Variants in PSTPIP2 observed in about 807,000 individuals in gnomAD.
The protein encoded by PSTPIP2 is proline-serine-threonine phosphatase-interacting protein 2.
PSTPIP2 carries 33 observed loss-of-function variants against 63.3 expected under a neutral mutation model. The ratio of observed to expected loss-of-function variants is 0.52; its 90% CI spans 0.40 to 0.70. The LOEUF (loss-of-function observed/expected upper bound fraction) is 0.70, where lower values mean the gene tolerates loss of function less well. PSTPIP2 is among the 30% of genes least tolerant of loss of function. The probability of loss-of-function intolerance (pLI) is 0.00; values close to 1 mark genes in which losing one functional copy is unlikely to be tolerated. For synonymous variants in PSTPIP2, 125 were observed against 132.7 expected, an observed-to-expected ratio of 0.94 and a Z score of 0.40; for missense variants, 312 against 400.7, an observed-to-expected ratio of 0.78 and a Z score of 1.89.
intron 1 of PSTPIP2, among the ~76,000 whole-genome samples, chr18:46,040,697 C>T (rs1908160809): frequency 6.6e-6 from 1 of 152,202 alleles, no homozygotes; most frequent in African/African-American, 2.4e-5. Context: ...TAGGGTAACA[C>T]TTTACCTCCA....
At position 45,994,069 on chromosome 18, in the gene PSTPIP2, G is replaced by A. The variant is rs1462137236; in HGVS notation, c.643-366C>T. The A allele has an allele frequency of 1.3e-5, 4 of 305,414 alleles. No homozygotes were observed. The Admixed American group carries it at 1.4e-4, about 11-fold the overall frequency. The allele number at this position is 305,414 out of a possible 1,614,324, so 18.9% of individuals were successfully genotyped here. A position where few individuals can be genotyped will look rare whatever the true frequency, so the allele number is the denominator to read the frequency against. ...AATGCTGCCCCTCCCACCCTGGAAT[G>A]AATGAGTTTGACTGGCAAGATGGTC... On this transcript the variant is annotated intron_variant, in intron 9 of 14. Transcript: ENST00000409746.
intron 10 of PSTPIP2, among the ~76,000 whole-genome samples, chr18:45,992,544 C>T (rs184716577): frequency 6.9e-6 from 1 of 145,976 alleles, no homozygotes; most frequent in African/African-American, 2.6e-5. Flanking sequence ...CCCCAGGCGA[C>T]AGTGCGAGAC....
chr18:46,031,868 T>C (rs186221700), intron 2 of PSTPIP2, among the ~76,000 whole-genome samples: 1 of 152,116 alleles, frequency 6.6e-6, no homozygotes, highest in African/African-American at 2.4e-5. Flanking sequence ...CGGGAAGTAA[T>C]GAGTTCCAGC....
chr18:46,029,085 G>A (rs559439356), intron 2 of PSTPIP2: 6 of 808,456 alleles, frequency 7.4e-6, no homozygotes, highest in Admixed American at 3.6e-5. Flanking sequence ...CACCTGTTTG[G>A]AAAGGTTTCC....
chr18:46,010,490 C>T (rs961835607), intron 5 of PSTPIP2, among the ~76,000 whole-genome samples: 3 of 152,190 alleles, frequency 2.0e-5, no homozygotes, highest in Non-Finnish European at 2.9e-5. Context: ...CAGGATCAGC[C>T]TGAATATCCA....
At chr18:45,996,176 T>C (rs1459069253) in intron 9 of PSTPIP2, among the ~76,000 whole-genome samples, 1 of 152,124 alleles carries the variant, frequency 6.6e-6, no homozygotes, top group Non-Finnish European at 1.5e-5. Flanking sequence ...ATAACAGAAG[T>C]TGACAAGTTC....
chr18:46,037,393 T>C (rs889982008), intron 2 of PSTPIP2, among the ~76,000 whole-genome samples: 1 of 152,144 alleles, frequency 6.6e-6, no homozygotes, highest in Non-Finnish European at 1.5e-5. Context: ...GTGATCTGCC[T>C]GCCTCGGCCT....
At chr18:45,988,611 G>T in intron 14 of PSTPIP2, 91 bp downstream of exon 14, 1 of 1,125,264 alleles carries the variant, frequency 8.9e-7, no homozygotes, top group Non-Finnish European at 1.3e-6. Context: ...TTGCTAGTTT[G>T]TGGTAGTGTT....
At position 45,992,141 on chromosome 18, in the gene PSTPIP2, A is replaced by G. The variant is rs772732819; in HGVS notation, c.803T>C (p.Phe268Ser). 13 of 1,608,858 alleles carry G rather than the reference A, an allele frequency of 8.1e-6. No homozygotes were observed. Among genetic ancestry groups the G allele is most frequent in the Admixed American group, 1.7e-5 (1 of 59,068 alleles). ...CTGTCCAGTTTTGCGTTGATTCACA[A>G]AGTATTCAATGTCCCTCTGAATGCT... ...MCSIQRDIEY[F>S]VNQRKTGQIP... Residue 268 changes from phenylalanine to serine, a missense_variant, in exon 11 of 15, where the codon TTT (phenylalanine) becomes TCT (serine). Phe to Ser is a radical substitution (Grantham distance 155). Coordinates refer to ENST00000409746, the MANE Select transcript of PSTPIP2 (RefSeq NM_024430.4).
chr18:45,999,825 G>A (rs188226228), intron 6 of PSTPIP2, among the ~76,000 whole-genome samples: 53 of 152,268 alleles, frequency 3.5e-4, no homozygotes, highest in African/African-American at 1.2e-3. Flanking sequence ...GGACTGAAAC[G>A]AAAGATGGAA....
chr18:46,031,697 C>T (rs905903320), intron 2 of PSTPIP2, among the ~76,000 whole-genome samples: 26 of 152,090 alleles, frequency 1.7e-4, no homozygotes, highest in Admixed American at 3.3e-4. Context: ...TCCTTTTAGC[C>T]GCAGAATTAT....
intron 1 of PSTPIP2, among the ~76,000 whole-genome samples, chr18:46,064,479 AAG>A (rs1909110735): frequency 7.6e-6 from 1 of 132,142 alleles, no homozygotes; most frequent in East Asian, 2.3e-4. Flanking sequence ...TTTTTTTTTT[AAG>A]TAAAGACGGG....
chr18:46,064,544 C>T (rs1370502656), intron 1 of PSTPIP2, among the ~76,000 whole-genome samples: 1 of 150,430 alleles, frequency 6.6e-6, no homozygotes, highest in Non-Finnish European at 1.5e-5. Context: ...AGGTGATTCA[C>T]CCGCCTGGGC....
Position 46,027,016 on chromosome 18 carries a change from C to T in PSTPIP2, c.135-2330G>A, listed in dbSNP as rs115956139. On this transcript the variant is annotated intron_variant, in intron 2 of 14. Coordinates refer to ENST00000409746, the MANE Select transcript of PSTPIP2 (RefSeq NM_024430.4). ...TTTTTAAAGAATAAGACCATATGGCCGGGTGCAATGGCTCACACCTGTAAT... is the reference window on the plus strand; with the variant it reads ...TTTTTAAAGAATAAGACCATATGGCTGGGTGCAATGGCTCACACCTGTAAT... Among the ~76,000 whole-genome samples the T allele has an allele frequency of 7.7e-3, 1,173 of 151,658 alleles. 16 individuals carry two copies. Among genetic ancestry groups the T allele is most frequent in the African/African-American group, 0.027 (1,120 of 41,346 alleles).
intron 1 of PSTPIP2, among the ~76,000 whole-genome samples, chr18:46,056,594 G>A (rs925270427): frequency 4.6e-5 from 7 of 152,114 alleles, no homozygotes; most frequent in African/African-American, 1.2e-4. Flanking sequence ...GAGCATGGTG[G>A]TGCACACCTG....
At chr18:46,028,411 G>A (rs1205923617) in intron 2 of PSTPIP2, 1 of 534,078 alleles carries the variant, frequency 1.9e-6, no homozygotes, top group East Asian at 5.1e-5. Flanking sequence ...GAGGGAAGAG[G>A]AGAGACGGCT....
chr18:46,059,641 T>C (rs1908918919), intron 1 of PSTPIP2, among the ~76,000 whole-genome samples: 1 of 152,224 alleles, frequency 6.6e-6, no homozygotes, highest in East Asian at 1.9e-4. Context: ...TCAAAGTGTC[T>C]AAAATTCCAG....
chr18:46,015,918 C>A lies in PSTPIP2; in HGVS notation c.232G>T (p.Glu78Ter). The A allele has an allele frequency of 1.2e-6, 2 of 1,612,364 alleles. No individual in the cohort carries two copies. Among genetic ancestry groups the A allele is most frequent in the Non-Finnish European group, 1.7e-6 (2 of 1,179,100 alleles). The part of the protein sequence containing the change: ...SEINTLKRAL[E>*]VFKQQVDNVA... Reference sequence around the variant, plus strand: ...AATCACTTACGCTGCTTGAAGACTTCAAGGGCCCGCTTCAGGGTGCTAAAA... The same window carrying A: ...AATCACTTACGCTGCTTGAAGACTTAAAGGGCCCGCTTCAGGGTGCTAAAA... Residue 78 changes from glutamate to a stop codon, truncating the protein, a stop_gained, in exon 4 of 15, where the codon GAA becomes TAA. Coordinates refer to ENST00000409746, the MANE Select transcript of PSTPIP2 (RefSeq NM_024430.4). LOFTEE classifies it high-confidence loss of function.
In PSTPIP2 at chr18:46,011,300, A is replaced by C; in HGVS notation, c.248-13T>G. 4.4e-6 allele frequency: 7 copies of C among 1,594,380 alleles called. No individual in the cohort carries two copies. Among genetic ancestry groups the C allele is most frequent in the Non-Finnish European group, 6.0e-6 (7 of 1,164,432 alleles). ...ACATTGTCTACTTCTGCAAAAAAGA[A>C]TTAAAAAAAAAATCAAGGTCTACAT... On this transcript the variant is annotated splice_polypyrimidine_tract_variant and intron_variant, in intron 4 of 14. Coordinates refer to ENST00000409746, the MANE Select transcript of PSTPIP2 (RefSeq NM_024430.4).
Sources: gnomAD v4.1 joint callset for allele counts (sites outside exome capture counted in the v4.1 genomes callset) on GRCh38, gnomAD v4.1.1 for gene constraint, MANE v1.5 for transcripts, NCBI Gene and HGNC (gene_info 2026-07-23, HGNC 2026-07-21) for gene names.